The following GRIP1 variants were observed in gnomAD, a reference collection of about 807,000 sequenced individuals.
The protein encoded by GRIP1 is glutamate receptor interacting protein 1.
A neutral mutation model predicts 129.9 loss-of-function variants in GRIP1; 45 were observed. The ratio of observed to expected loss-of-function variants is 0.35; its 90% confidence interval spans 0.27 to 0.44. The LOEUF (loss-of-function observed/expected upper bound fraction) is 0.44. Among genes scored for constraint, GRIP1 ranks in the 20% least tolerant of loss-of-function variants. The pLI, the probability that GRIP1 is intolerant of heterozygous loss-of-function variation, is 1.00. For missense variants in GRIP1, 1,196 were observed against 1,396.8 expected (o/e 0.86, Z 2.29); for synonymous variants, 530 against 520.8 (o/e 1.02, Z -0.24).
At position 66,355,250 on chromosome 12, in the gene GRIP1, C is replaced by T. The variant is rs2054428468; in HGVS notation, c.3013-1687G>A. On this transcript the variant is annotated intron_variant, in intron 23 of 24. Coordinates refer to ENST00000359742, the MANE Select transcript of GRIP1 (RefSeq NM_001366722.1). ...TGTGTGTGTGTGCACACACACTGGACACTACTATGCGTCAGGGACTGTTTT... is the reference window on the plus strand; with the variant it reads ...TGTGTGTGTGTGCACACACACTGGATACTACTATGCGTCAGGGACTGTTTT... 2.6e-5 allele frequency among the ~76,000 whole-genome samples: 4 copies of T among 152,266 alleles called. No homozygotes were observed. The South Asian group carries it at 8.3e-4, about 32-fold the overall frequency.
intron 23 of GRIP1, among the ~76,000 whole-genome samples, chr12:66,359,743 A>G (rs1294344332): frequency 3.3e-5 from 5 of 152,242 alleles, no homozygotes; most frequent in Non-Finnish European, 7.3e-5. Flanking sequence ...TGGCAAATTA[A>G]CAAAAATAAA....
At chr12:66,636,101 A>T (rs761334515) in intron 1 of GRIP1, among the ~76,000 whole-genome samples, 4 of 152,212 alleles carry the variant, frequency 2.6e-5, no homozygotes, top group Non-Finnish European at 5.9e-5. Flanking sequence ...AAGTCTTGTC[A>T]CATGCTATAA....
intron 1 of GRIP1, among the ~76,000 whole-genome samples, chr12:66,785,133 G>A (rs1656999922): frequency 6.6e-6 from 1 of 151,630 alleles, no homozygotes; most frequent in South Asian, 2.1e-4. Flanking sequence ...TAAGAAGAGG[G>A]AAGTAGAAAA....
chr12:66,480,107 T>C lies in GRIP1; in HGVS notation c.725-14685A>G, dbSNP rs143677762. ...GAGAAAGAAATAACGGGTATTCAAG[T>C]AGGAAGAGAGGAAGTCAAATTGTGT... On this transcript the variant is annotated intron_variant, in intron 7 of 24. Coordinates refer to ENST00000359742, the MANE Select transcript of GRIP1 (RefSeq NM_001366722.1). Among the ~76,000 whole-genome samples, 567 of 152,216 alleles carry C rather than the reference T, an allele frequency of 3.7e-3. 7 individuals carry two copies. Among genetic ancestry groups the C allele is most frequent in the African/African-American group, 0.013 (527 of 41,534 alleles).
rs1051036005 is a variant in GRIP1 at position 66,657,478 on chromosome 12, G to C, written c.55+21372C>G. Among the ~76,000 whole-genome samples, 24 of 152,286 alleles carry C rather than the reference G, an allele frequency of 1.6e-4. 1 individual carries two copies. Among genetic ancestry groups the C allele is most frequent in the Admixed American group, 5.2e-4 (8 of 15,300 alleles). ...GTAGGGTGTCCTTCTGTCCTAAACT[G>C]AGCCTCTATTCAAGCTTTACTCCAA... On this transcript the variant is annotated intron_variant, in intron 1 of 24. Coordinates refer to ENST00000359742, the MANE Select transcript of GRIP1 (RefSeq NM_001366722.1).
intron 2 of GRIP1, among the ~76,000 whole-genome samples, chr12:66,551,792 G>A (rs1465758599): frequency 1.3e-5 from 2 of 151,724 alleles, no homozygotes; most frequent in African/African-American, 4.8e-5. Context: ...ATGTTGCTTC[G>A]GCTGGTTTTG....
chr12:66,636,748 T>TCA (rs2031428933), intron 1 of GRIP1, among the ~76,000 whole-genome samples: 8 of 141,116 alleles, frequency 5.7e-5, no homozygotes, highest in Non-Finnish European at 1.3e-4. Flanking sequence ...TGTGTGTGTG[T>TCA]GTGTGTCTCA....
At chr12:66,764,071 G>A (rs2037553235) in intron 1 of GRIP1, among the ~76,000 whole-genome samples, 1 of 152,208 alleles carries the variant, frequency 6.6e-6, no homozygotes, top group Non-Finnish European at 1.5e-5. Flanking sequence ...AGCAGCAAAA[G>A]TGATGTGGAC....
intron 15 of GRIP1, 48 bp from the exon 16 acceptor site, chr12:66,406,476 T>G: frequency 6.3e-7 from 1 of 1,576,010 alleles, no homozygotes; most frequent in Non-Finnish European, 8.7e-7. Flanking sequence ...AGCACTTAAC[T>G]AGGCCATTTA....
rs550109145 is a variant in GRIP1 at position 67,059,476 on chromosome 12, A to T, written c.58+9574T>A. Among the ~76,000 whole-genome samples the T allele has an allele frequency of 2.0e-5, 3 of 152,382 alleles. No homozygotes were observed. The East Asian group carries it at 5.8e-4, about 29-fold the overall frequency. On this transcript the variant is annotated intron_variant, in intron 1 of 1. Transcript: ENST00000643019. ...ACAATGAATGAAATGCCCTTCACCC[A>T]GGGCAATAAGAATACTAACCTTTCC...
chr12:66,671,973 C>T (rs1011749907), intron 1 of GRIP1, among the ~76,000 whole-genome samples: 1 of 152,158 alleles, frequency 6.6e-6, no homozygotes, highest in African/African-American at 2.4e-5. Context: ...ATATTATCCA[C>T]ATAAGGAAAT....
intron 1 of GRIP1, among the ~76,000 whole-genome samples, chr12:66,644,368 T>G (rs529415597): frequency 1.3e-3 from 195 of 152,294 alleles, no homozygotes; most frequent in African/African-American, 4.5e-3. Context: ...AGTTAATAAC[T>G]TGAGAGAAAC....
intron 1 of GRIP1, among the ~76,000 whole-genome samples, chr12:66,763,865 A>G (rs1348485147): frequency 2.0e-5 from 3 of 152,248 alleles, no homozygotes; most frequent in African/African-American, 7.2e-5. Context: ...AGTTTGTTTT[A>G]TATTTTTCTC....
chr12:66,948,194 G>A (rs1176822356), intron 1 of GRIP1, among the ~76,000 whole-genome samples: 1 of 152,178 alleles, frequency 6.6e-6, no homozygotes, highest in Non-Finnish European at 1.5e-5. Flanking sequence ...TAATTTACTA[G>A]AAATATTTTA....
intron 1 of GRIP1, among the ~76,000 whole-genome samples, chr12:67,012,035 A>G (rs2042716179): frequency 6.6e-6 from 1 of 152,184 alleles, no homozygotes; most frequent in Non-Finnish European, 1.5e-5. Flanking sequence ...AGACTGTTTT[A>G]CCCTCACCAC....
chr12:66,929,528 C>T (rs2137396873), intron 1 of GRIP1, among the ~76,000 whole-genome samples: 1 of 152,294 alleles, frequency 6.6e-6, no homozygotes, highest in Admixed American at 6.5e-5. Context: ...TGGAGGTTCA[C>T]ATATGGAAGA....
intron 1 of GRIP1, among the ~76,000 whole-genome samples, chr12:66,920,404 G>C (rs916474978): frequency 1.3e-5 from 2 of 152,118 alleles, no homozygotes; most frequent in Non-Finnish European, 2.9e-5. Context: ...ACAACCACCT[G>C]ATTATATCCA....
chr12:66,370,185 C>T (rs2055405618), intron 23 of GRIP1, among the ~76,000 whole-genome samples: 2 of 152,188 alleles, frequency 1.3e-5, no homozygotes, highest in African/African-American at 4.8e-5. Context: ...TCTTTTCTGT[C>T]CCCTGATAGT....
intron 23 of GRIP1, among the ~76,000 whole-genome samples, chr12:66,366,080 A>G (rs1341158699): frequency 6.6e-6 from 1 of 152,214 alleles, no homozygotes; most frequent in East Asian, 1.9e-4. Flanking sequence ...GTGGTAGACA[A>G]AAACAAAAAG....
Sources: allele counts gnomAD v4.1 joint callset (sites outside exome capture counted in the v4.1 genomes callset), GRCh38; gene constraint gnomAD v4.1.1; transcripts MANE v1.5; gene names NCBI Gene and HGNC (gene_info 2026-07-23, HGNC 2026-07-21).